SPOCK1: variants seen among roughly 807,000 people sequenced by gnomAD.
SPOCK1 encodes the protein SPARC (osteonectin), cwcv and kazal like domains proteoglycan 1, also known as testican-1.
A neutral mutation model predicts 55.3 loss-of-function variants in SPOCK1; 23 were observed. That is an observed-to-expected ratio of 0.42 (90% CI 0.30 to 0.59). SPOCK1 has a LOEUF of 0.59. Ranked by LOEUF, SPOCK1 falls within the 20% of genes least tolerant of loss-of-function variation. SPOCK1 has a pLI of 0.22. For missense variants in SPOCK1, 499 were observed against 552.5 expected (o/e 0.90, Z 0.97); for synonymous variants, 226 against 221.0 (o/e 1.02, Z -0.20).
Position 137,160,955 on chromosome 5 carries a change from A to T in SPOCK1, c.233-20261T>A, listed in dbSNP as rs537544069. ...ATAGTGGCACAATTCATAATAGCAA[A>T]ATCTTGGAACCAATCCAAATGCCCA... On this transcript the variant is annotated intron_variant, in intron 3 of 10. Transcript: ENST00000394945. 7.1e-4 allele frequency among the ~76,000 whole-genome samples: 105 copies of T among 147,024 alleles called. 1 individual carries two copies. Among genetic ancestry groups the T allele is most frequent in the Non-Finnish European group, 1.3e-3 (89 of 67,146 alleles).
intron 2 of SPOCK1, among the ~76,000 whole-genome samples, chr5:137,288,176 T>C (rs528195540): frequency 6.6e-6 from 1 of 152,340 alleles, no homozygotes; most frequent in East Asian, 1.9e-4. Context: ...TCTCCTTCAA[T>C]GCACACAACT....
At chr5:137,031,917 C>T (rs181829446) in intron 6 of SPOCK1, among the ~76,000 whole-genome samples, 4 of 151,118 alleles carry the variant, frequency 2.6e-5, no homozygotes, top group South Asian at 2.1e-4. Flanking sequence ...AATATAGATA[C>T]ATACACACAC....
chr5:137,135,412 T>C (rs2127047948), intron 4 of SPOCK1, among the ~76,000 whole-genome samples: 1 of 152,344 alleles, frequency 6.6e-6, no homozygotes, highest in Admixed American at 6.5e-5. Context: ...TTAAAGACTT[T>C]CTGTTTGTCC....
intron 2 of SPOCK1, chr5:137,313,438 G>A (rs1757821696): frequency 2.0e-6 from 2 of 985,264 alleles, no homozygotes; most frequent in Non-Finnish European, 2.4e-6. Context: ...CTGCTGCAAG[G>A]GGTGGTCTCA....
intron 6 of SPOCK1, among the ~76,000 whole-genome samples, chr5:137,044,355 T>A (rs6897867): frequency 6.6e-6 from 1 of 152,186 alleles, no homozygotes; most frequent in African/African-American, 2.4e-5. Context: ...ATCGTGAAAG[T>A]TTTAACCAAA....
intron 6 of SPOCK1, among the ~76,000 whole-genome samples, chr5:137,005,322 CTT>C (rs112930078): frequency 6.7e-6 from 1 of 149,198 alleles, no homozygotes; most frequent in Non-Finnish European, 1.5e-5. Context: ...CCAATAATAG[CTT>C]TTTTTTTTAA....
rs116443670 is a variant in SPOCK1, at chr5:137,174,995, C to T, written c.233-34301G>A. On this transcript the variant is annotated intron_variant, in intron 3 of 10. Transcript: ENST00000394945. Reference sequence around the variant, plus strand: ...CATTACAGGCCCAAACCCATGTACCCGACCACCACACATCTTTGCAGAACC... The same window carrying T: ...CATTACAGGCCCAAACCCATGTACCTGACCACCACACATCTTTGCAGAACC... Among the ~76,000 whole-genome samples, 598 of 152,252 alleles carry T rather than the reference C, an allele frequency of 3.9e-3. 2 individuals are homozygous for T. Among genetic ancestry groups the T allele is most frequent in the Non-Finnish European group, 7.5e-3 (509 of 68,016 alleles).
chr5:137,318,525 T>G (rs1757923692), intron 2 of SPOCK1, among the ~76,000 whole-genome samples: 2 of 152,090 alleles, frequency 1.3e-5, no homozygotes, highest in Admixed American at 6.5e-5. Context: ...TGAGAAGAGG[T>G]AAGAGTGCTC....
chr5:137,003,354 G>A (rs948817353), intron 6 of SPOCK1, among the ~76,000 whole-genome samples: 2 of 152,092 alleles, frequency 1.3e-5, no homozygotes, highest in African/African-American at 4.8e-5. Flanking sequence ...AGCCAAGGAG[G>A]CACCACTGCA....
At chr5:137,365,794 G>C (rs1021923194) in intron 2 of SPOCK1, among the ~76,000 whole-genome samples, 8 of 152,126 alleles carry the variant, frequency 5.3e-5, no homozygotes, top group African/African-American at 1.9e-4. Flanking sequence ...TGATAGAAAA[G>C]TTACTATATT....
intron 3 of SPOCK1, among the ~76,000 whole-genome samples, chr5:137,243,886 G>A (rs761633239): frequency 2.0e-5 from 3 of 152,148 alleles, no homozygotes; most frequent in Non-Finnish European, 2.9e-5. Context: ...TGCATTAACA[G>A]CACTAGCAGG....
chr5:137,302,629 A>C (rs17782938), intron 2 of SPOCK1, among the ~76,000 whole-genome samples: 1 of 151,230 alleles, frequency 6.6e-6, no homozygotes, highest in East Asian at 1.9e-4. Flanking sequence ...TAAATAAATC[A>C]GTTTTAGATG....
At chr5:136,985,651 C>T (rs946873834) in intron 8 of SPOCK1, among the ~76,000 whole-genome samples, 3 of 152,070 alleles carry the variant, frequency 2.0e-5, no homozygotes, top group Non-Finnish European at 4.4e-5. Context: ...TACTTCAGAC[C>T]TCACCACCCC....
At chr5:137,215,729 G>A (rs1407084729) in intron 3 of SPOCK1, among the ~76,000 whole-genome samples, 1 of 152,168 alleles carries the variant, frequency 6.6e-6, no homozygotes, top group Non-Finnish European at 1.5e-5. Context: ...GTGGTAGAAA[G>A]TTTTGGTGAA....
chr5:137,435,011 T>G lies in SPOCK1; in HGVS notation c.186+63362A>C, dbSNP rs546934642. Among the ~76,000 whole-genome samples the G allele has an allele frequency of 2.0e-4, 30 of 152,348 alleles. No homozygotes were observed. In the South Asian group the frequency reaches 6.2e-3, roughly 32 times the overall value. ...TTCCAACAATCCCACTAACCACATATGATCACAATTAACATTTTGCACTTA... is the reference window on the plus strand; with the variant it reads ...TTCCAACAATCCCACTAACCACATAGGATCACAATTAACATTTTGCACTTA... On this transcript the variant is annotated intron_variant, in intron 2 of 10. Coordinates refer to ENST00000394945, the MANE Select transcript of SPOCK1 (RefSeq NM_004598.4).
chr5:137,377,571 G>T (rs1464668335), intron 2 of SPOCK1, among the ~76,000 whole-genome samples: 1 of 152,148 alleles, frequency 6.6e-6, no homozygotes, highest in African/African-American at 2.4e-5. Context: ...GGAACAATTT[G>T]TTCCTGTTAT....
intron 5 of SPOCK1, among the ~76,000 whole-genome samples, chr5:137,092,105 A>G (rs1323356343): frequency 4.6e-5 from 7 of 152,184 alleles, no homozygotes; most frequent in Admixed American, 3.3e-4. Context: ...AGTGTCCATT[A>G]AGTAATTTCT....
chr5:137,260,179 G>C (rs1174666349), intron 3 of SPOCK1, among the ~76,000 whole-genome samples: 1 of 152,162 alleles, frequency 6.6e-6, no homozygotes, highest in Non-Finnish European at 1.5e-5. Flanking sequence ...CAGTGGCAGA[G>C]CCATGTCCCA....
chr5:137,477,340 CTTTAT>C (rs946865999), intron 2 of SPOCK1, among the ~76,000 whole-genome samples: 4 of 151,722 alleles, frequency 2.6e-5, no homozygotes, highest in African/African-American at 9.7e-5. Context: ...AAAAGTGAGG[CTTTAT>C]TTTATGTTTT....
Sources: gnomAD v4.1 joint callset for allele counts (sites outside exome capture counted in the v4.1 genomes callset) on GRCh38, gnomAD v4.1.1 for gene constraint, MANE v1.5 for transcripts, NCBI Gene and HGNC (gene_info 2026-07-23, HGNC 2026-07-21) for gene names.